The following GALNTL6 variants were observed in gnomAD, a reference collection of about 807,000 sequenced individuals.
GALNTL6 encodes polypeptide N-acetylgalactosaminyltransferase like 6.
A neutral mutation model predicts 73.7 loss-of-function variants in GALNTL6; 46 were observed. That is an observed-to-expected ratio of 0.62 (90% CI 0.49 to 0.80). The LOEUF is 0.80. Ranked by LOEUF, GALNTL6 falls within the 30% of genes least tolerant of loss-of-function variation. GALNTL6 has a pLI of 0.00. For synonymous variants in GALNTL6, 259 were observed against 263.7 expected (o/e 0.98, Z 0.17); for missense variants, 604 against 755.0 (o/e 0.80, Z 2.34).
chr4:172,875,769 A>AC (rs59156471), intron 7 of GALNTL6, among the ~76,000 whole-genome samples: 1 of 150,892 alleles, frequency 6.6e-6, no homozygotes, highest in Non-Finnish European at 1.5e-5. Flanking sequence ...ACACACACAC[A>AC]AATAAGAACA....
intron 2 of GALNTL6, among the ~76,000 whole-genome samples, chr4:172,152,256 G>T (rs914296684): frequency 6.6e-6 from 1 of 152,244 alleles, no homozygotes; most frequent in Admixed American, 6.5e-5. Flanking sequence ...GGGATTAGAG[G>T]TATGAGCCAC....
intron 5 of GALNTL6, among the ~76,000 whole-genome samples, chr4:172,612,514 C>G (rs968542257): frequency 3.9e-5 from 6 of 152,016 alleles, no homozygotes; most frequent in African/African-American, 1.4e-4. Flanking sequence ...CACAAACCTA[C>G]TCTTGAGTCA....
chr4:172,330,676 T>C lies in GALNTL6; in HGVS notation c.387-17847T>C, dbSNP rs948782224. 3.3e-5 allele frequency among the ~76,000 whole-genome samples: 5 copies of C among 152,144 alleles called. No individual in the cohort carries two copies. In the East Asian group the frequency reaches 9.6e-4, roughly 29 times the overall value. ...GATAGGAAGTAGTATAGTTTATTTG[T>C]TTTTTTGTGTTAAGCTTCACTGAGC... On this transcript the variant is annotated intron_variant, in intron 4 of 12. Transcript: ENST00000506823.
chr4:171,902,785 C>T (rs12503932), intron 2 of GALNTL6, among the ~76,000 whole-genome samples: 67 of 152,078 alleles, frequency 4.4e-4, no homozygotes, highest in Admixed American at 3.5e-3. Context: ...CTAATCTAGA[C>T]GTGGACATTA....
chr4:172,581,883 A>G (rs1213051707), intron 5 of GALNTL6, among the ~76,000 whole-genome samples: 2 of 152,338 alleles, frequency 1.3e-5, no homozygotes, highest in Admixed American at 1.3e-4. Flanking sequence ...TTTGATCTTC[A>G]GACCAGGTCA....
At chr4:172,075,258 T>C (rs928568008) in intron 2 of GALNTL6, among the ~76,000 whole-genome samples, 1 of 152,066 alleles carries the variant, frequency 6.6e-6, no homozygotes, top group Non-Finnish European at 1.5e-5. Context: ...TATTATAGGA[T>C]TTTTTTTCTG....
At chr4:172,715,998 T>C (rs967916800) in intron 5 of GALNTL6, among the ~76,000 whole-genome samples, 33 of 152,210 alleles carry the variant, frequency 2.2e-4, no homozygotes, top group African/African-American at 8.0e-4. Flanking sequence ...CTGTGAATGG[T>C]AATGAGAGAG....
At chr4:172,817,708 A>G (rs1741687697) in intron 7 of GALNTL6, among the ~76,000 whole-genome samples, 2 of 152,210 alleles carry the variant, frequency 1.3e-5, no homozygotes, top group South Asian at 4.1e-4. Context: ...AGTGGGCCCT[A>G]AGAAATTATC....
At chr4:172,194,327 AT>A (rs1735683336) in intron 2 of GALNTL6, among the ~76,000 whole-genome samples, 1 of 152,192 alleles carries the variant, frequency 6.6e-6, no homozygotes, top group Non-Finnish European at 1.5e-5. Context: ...CCAACAACAA[AT>A]TGGAGAACTT....
intron 2 of GALNTL6, among the ~76,000 whole-genome samples, chr4:171,972,689 TGAG>T (rs1325163127): frequency 3.3e-5 from 5 of 152,110 alleles, no homozygotes; most frequent in Admixed American, 6.6e-5. Flanking sequence ...ACTAGCAATG[TGAG>T]TTTATAGAAT....
chr4:172,736,668 A>G (rs1195125060), intron 5 of GALNTL6, among the ~76,000 whole-genome samples: 3 of 152,252 alleles, frequency 2.0e-5, no homozygotes, highest in Admixed American at 6.5e-5. Flanking sequence ...TGTCCATGAA[A>G]TCTTCACAAT....
intron 2 of GALNTL6, among the ~76,000 whole-genome samples, chr4:172,022,465 A>G (rs1412503417): frequency 6.6e-6 from 1 of 152,056 alleles, no homozygotes; most frequent in Admixed American, 6.6e-5. Context: ...AAACTATACC[A>G]GTGGCAATGA....
chr4:171,973,594 C>G (rs1739633413), intron 2 of GALNTL6, among the ~76,000 whole-genome samples: 1 of 152,168 alleles, frequency 6.6e-6, no homozygotes, highest in Non-Finnish European at 1.5e-5. Flanking sequence ...AGTATGAACT[C>G]ATCTTAACCT....
intron 2 of GALNTL6, among the ~76,000 whole-genome samples, chr4:171,950,482 C>T (rs201187051): frequency 3.5e-5 from 5 of 141,442 alleles, no homozygotes; most frequent in Admixed American, 7.2e-5. Flanking sequence ...CTTTTCTTTT[C>T]TTTTTTTTTT....
At chr4:172,734,093 C>T (rs1736309712) in intron 5 of GALNTL6, among the ~76,000 whole-genome samples, 1 of 152,186 alleles carries the variant, frequency 6.6e-6, no homozygotes, top group Admixed American at 6.5e-5. Context: ...GTAAAGGTCA[C>T]TCTTGCTATG....
At chr4:172,527,496 C>A (rs776807513) in intron 5 of GALNTL6, among the ~76,000 whole-genome samples, 1 of 152,192 alleles carries the variant, frequency 6.6e-6, no homozygotes, top group Non-Finnish European at 1.5e-5. Flanking sequence ...AAGTGAATGG[C>A]GATATCTTCA....
intron 2 of GALNTL6, among the ~76,000 whole-genome samples, chr4:172,193,697 C>A (rs1222193191): frequency 1.3e-5 from 2 of 151,720 alleles, no homozygotes; most frequent in African/African-American, 2.4e-5. Flanking sequence ...CCCGTCTCTA[C>A]TAAAAATACA....
chr4:172,672,056 G>C (rs1579317197), intron 5 of GALNTL6, among the ~76,000 whole-genome samples: 1 of 152,128 alleles, frequency 6.6e-6, no homozygotes, highest in East Asian at 1.9e-4. Flanking sequence ...AGGCCTGGCT[G>C]ATTTTTGTCT....
At chr4:171,899,375 T>G (rs948348275) in intron 2 of GALNTL6, among the ~76,000 whole-genome samples, 2 of 152,130 alleles carry the variant, frequency 1.3e-5, no homozygotes, top group African/African-American at 4.8e-5. Flanking sequence ...TCTATATTGG[T>G]GAACCAGAAA....
Sources: gnomAD v4.1 joint callset for allele counts (sites outside exome capture counted in the v4.1 genomes callset) on GRCh38, gnomAD v4.1.1 for gene constraint, MANE v1.5 for transcripts, NCBI Gene and HGNC (gene_info 2026-07-23, HGNC 2026-07-21) for gene names.